CNOT4: variants seen among roughly 807,000 people sequenced by gnomAD.
CNOT4 encodes CCR4-NOT transcription complex subunit 4.
CNOT4 carries 8 observed loss-of-function variants against 73.8 expected under a neutral mutation model. That is an observed-to-expected ratio of 0.11 (90% CI 0.06 to 0.20). The LOEUF (loss-of-function observed/expected upper bound fraction) is 0.20, where lower values mean the gene tolerates loss of function less well. Ranked by LOEUF, CNOT4 falls within the 10% of genes least tolerant of loss-of-function variation. The pLI is 1.00. For synonymous variants in CNOT4, 293 were observed against 321.1 expected (o/e 0.91, Z 0.94); for missense variants, 564 against 883.4 (o/e 0.64, Z 4.58).
At chr7:135,487,153 A>G (rs1386867931) in intron 1 of CNOT4, among the ~76,000 whole-genome samples, 2 of 150,266 alleles carry the variant, frequency 1.3e-5, no homozygotes, top group Admixed American at 6.6e-5. Context: ...CTCAATTACA[A>G]CCATTTAAAA....
intron 10 of CNOT4, 94 bp downstream of exon 10, chr7:135,393,824 A>C: frequency 1.3e-6 from 1 of 791,346 alleles, no homozygotes; most frequent in Admixed American, 2.3e-5. Context: ...CCAAGATATT[A>C]GTACTCTGTT....
At chr7:135,455,153 A>G (rs2129486063) in intron 1 of CNOT4, among the ~76,000 whole-genome samples, 1 of 152,138 alleles carries the variant, frequency 6.6e-6, no homozygotes, top group East Asian at 1.9e-4. Flanking sequence ...GTGTGTCTGT[A>G]GTCCCAGCTA....
At chr7:135,424,459 C>T (rs1798378031) in intron 2 of CNOT4, among the ~76,000 whole-genome samples, 1 of 152,012 alleles carries the variant, frequency 6.6e-6, no homozygotes. Flanking sequence ...CCCAGAATTC[C>T]TGGGGTAGTT....
intron 9 of CNOT4, among the ~76,000 whole-genome samples, 165 bp from the exon 10 acceptor site, chr7:135,394,580 T>C (rs1796579708): frequency 6.6e-6 from 1 of 152,156 alleles, no homozygotes; most frequent in South Asian, 2.1e-4. Flanking sequence ...CAAAAGGCCT[T>C]ATGTACTTCT....
chr7:135,468,755 GTTTTCCAC>G lies in CNOT4; in HGVS notation c.-92-30340_-92-30333del, dbSNP rs1378882426. Among the ~76,000 whole-genome samples the G allele has an allele frequency of 2.6e-5, 4 of 151,544 alleles. No homozygotes were observed. In the East Asian group the frequency reaches 7.7e-4, roughly 29 times the overall value. ...TTTTGCTTAGAGTACCTATTGGTAT[GTTTTCCAC>G]TTTCCCTTTACAGCAAATTAGCATG... On this transcript the variant is annotated intron_variant, in intron 1 of 11. Coordinates refer to ENST00000541284, the MANE Select transcript of CNOT4 (RefSeq NM_001190850.2).
chr7:135,410,448 C>G lies in CNOT4; in HGVS notation c.821+67G>C. 3 of 1,100,406 alleles carry G rather than the reference C, an allele frequency of 2.7e-6. No individual in the cohort carries two copies. In the Admixed American group the frequency reaches 8.3e-5, roughly 31 times the overall value. 68.2% of individuals were successfully genotyped at this position (1,100,406 alleles called of 1,614,324 possible). A position where few individuals can be genotyped will look rare whatever the true frequency, so the allele number is the denominator to read the frequency against. On this transcript the variant is annotated intron_variant, in intron 7 of 11. Transcript: ENST00000541284. The stretch of plus-strand genomic sequence containing the variant: ...AACAAGGATTTTGCCTGAAAAAGAT[C>G]TAAAATGAAAAGAGAAGATCAACTG...
chr7:135,398,098 T>C, intron 8 of CNOT4, 71 bp downstream of exon 8: 1 of 827,282 alleles, frequency 1.2e-6, no homozygotes, highest in South Asian at 1.5e-5. Flanking sequence ...TTTTAGAAAA[T>C]TCACCTGCAT....
chr7:135,396,506 A>T (rs1051851940), intron 8 of CNOT4, among the ~76,000 whole-genome samples: 1 of 152,222 alleles, frequency 6.6e-6, no homozygotes, highest in African/African-American at 2.4e-5. Context: ...ATTTTGCTCA[A>T]GAGTGAAAAC....
intron 10 of CNOT4, among the ~76,000 whole-genome samples, chr7:135,380,156 A>G (rs1795765128): frequency 6.6e-6 from 1 of 152,164 alleles, no homozygotes; most frequent in African/African-American, 2.4e-5. Flanking sequence ...CCCAGCAGAT[A>G]TGCTATCATT....
chr7:135,504,462 A>ATTTTTTTTTTTTTTTTT (rs34100799), intron 1 of CNOT4, among the ~76,000 whole-genome samples: 1 of 55,942 alleles, frequency 1.8e-5, no homozygotes. Context: ...CATCCGGCTA[A>ATTTTTTTTTTTTTTTTT]TTTTTTTTTT....
chr7:135,455,249 C>T (rs182597274), intron 1 of CNOT4, among the ~76,000 whole-genome samples: 5 of 149,306 alleles, frequency 3.3e-5, no homozygotes, highest in East Asian at 2.0e-4. Flanking sequence ...ACTCCAGCCT[C>T]GGGAAGAGAG....
chr7:135,509,005 A>G (rs1804553527), intron 1 of CNOT4: 1 of 152,242 alleles, frequency 6.6e-6, no homozygotes. Flanking sequence ...AAGCAAAACG[A>G]AAACGGTCCT....
intron 1 of CNOT4, among the ~76,000 whole-genome samples, chr7:135,506,721 G>A (rs566188796): frequency 2.0e-5 from 3 of 152,050 alleles, no homozygotes; most frequent in South Asian, 4.1e-4. Flanking sequence ...GGTGGCACAC[G>A]CCTGTAATCC....
chr7:135,369,789 G>A (rs1407425091), intron 10 of CNOT4, among the ~76,000 whole-genome samples: 1 of 152,212 alleles, frequency 6.6e-6, no homozygotes, highest in Admixed American at 6.5e-5. Context: ...GGGATGGAGT[G>A]CATCTTCATT....
At position 135,394,210 on chromosome 7, in the gene CNOT4, G is replaced by A. The variant is rs774611985; in HGVS notation, c.1335C>T (p.Thr445=). ...GGAATCCAGAGCCTGGACCTTTGGCGGTTGTAGTGTGTGAAGAGGAGTTCT... is the reference window on the plus strand; with the variant it reads ...GGAATCCAGAGCCTGGACCTTTGGCAGTTGTAGTGTGTGAAGAGGAGTTCT... The part of the protein sequence containing the change: ...SLQNSSSHTT[T]AKGPGSGFLH... The change falls in exon 10 of 12, where the codon ACC becomes ACT. Residue 445 remains threonine (T), a synonymous_variant. Coordinates refer to ENST00000541284, the MANE Select transcript of CNOT4 (RefSeq NM_001190850.2). 17 of 1,614,188 alleles carry A rather than the reference G, an allele frequency of 1.1e-5. No homozygotes were observed. Among genetic ancestry groups the A allele is most frequent in the Admixed American group, 3.3e-5 (2 of 60,022 alleles).
intron 10 of CNOT4, among the ~76,000 whole-genome samples, chr7:135,372,666 C>T (rs1044544168): frequency 6.6e-6 from 1 of 151,484 alleles, no homozygotes; most frequent in Non-Finnish European, 1.5e-5. Context: ...AAGCGATTCT[C>T]CTATCTCAGT....
In CNOT4 at chr7:135,384,723, A is replaced by G. The variant is rs563089699; in HGVS notation, c.1627+9195T>C. On this transcript the variant is annotated intron_variant, in intron 10 of 11. Coordinates refer to ENST00000541284, the MANE Select transcript of CNOT4 (RefSeq NM_001190850.2). ...GTCTCTTCCTCTCAATTGGCTCTGTAAGGTCTGCCTTTAAATATTTAGGTT... is the reference window on the plus strand; with the variant it reads ...GTCTCTTCCTCTCAATTGGCTCTGTGAGGTCTGCCTTTAAATATTTAGGTT... 1.8e-5 allele frequency: 14 copies of G among 765,246 alleles called. No individual in the cohort carries two copies. The East Asian group carries it at 3.4e-4, about 19-fold the overall frequency. 47.4% of individuals were successfully genotyped at this position (765,246 alleles called of 1,614,324 possible). A position where few individuals can be genotyped will look rare whatever the true frequency, so the allele number is the denominator to read the frequency against.
intron 3 of CNOT4, among the ~76,000 whole-genome samples, chr7:135,418,505 T>C (rs915309457): frequency 6.6e-6 from 1 of 152,134 alleles, no homozygotes; most frequent in African/African-American, 2.4e-5. Flanking sequence ...TCATAGATAC[T>C]ACAGAGAAAA....
In CNOT4 at chr7:135,504,730, C is replaced by T. The variant is rs1437640140; in HGVS notation, c.-93+5159G>A. 3.2e-5 allele frequency among the ~76,000 whole-genome samples: 4 copies of T among 123,304 alleles called. 1 individual carries two copies. The highest frequency in any genetic ancestry group is 6.8e-5 in the Non-Finnish European group (4 of 58,542). 80.9% of individuals were successfully genotyped at this position (123,304 alleles called of 152,430 possible). On this transcript the variant is annotated intron_variant, in intron 1 of 11. Coordinates refer to ENST00000541284, the MANE Select transcript of CNOT4 (RefSeq NM_001190850.2). ...CTCGATCTCCTGATCTCGTGATCCG[C>T]CCGCCTCGGCCTCCCAAAGTGCTGG...
Sources: gnomAD v4.1 joint callset for allele counts (sites outside exome capture counted in the v4.1 genomes callset) on GRCh38, gnomAD v4.1.1 for gene constraint, MANE v1.5 for transcripts, NCBI Gene and HGNC (gene_info 2026-07-23, HGNC 2026-07-21) for gene names.